ZNF480: variants seen among roughly 807,000 people sequenced by gnomAD.
ZNF480 encodes zinc finger protein 480.
ZNF480 carries 15 observed loss-of-function variants against 14.4 expected under a neutral mutation model. The observed-to-expected ratio is 1.04, with a 90% CI of 0.70 to 1.60. The LOEUF is 1.60. Ranked by LOEUF, ZNF480 falls within the 40% of genes most tolerant of loss-of-function variation. ZNF480 has a pLI of 0.00. For synonymous variants in ZNF480, 218 were observed against 215.5 expected, an observed-to-expected ratio of 1.01 and a Z score of -0.10; for missense variants, 593 against 629.7, an observed-to-expected ratio of 0.94 and a Z score of 0.62.
chr19:52,309,939 GA>G lies in ZNF480; in HGVS notation c.73-4213del, dbSNP rs1156982091. On this transcript the variant is annotated intron_variant, in intron 2 of 4. Coordinates refer to ENST00000595962, the MANE Select transcript of ZNF480 (RefSeq NM_144684.4). ...TAGTTAGGGGCCATTTCCTAAGGGAGATGTCAGATGTTTCTTTCCTGTATGT... is the reference window on the plus strand; with the variant it reads ...TAGTTAGGGGCCATTTCCTAAGGGAGTGTCAGATGTTTCTTTCCTGTATGT... 2.6e-5 allele frequency among the ~76,000 whole-genome samples: 4 copies of G among 152,276 alleles called. No individual in the cohort carries two copies. In the East Asian group the frequency reaches 7.7e-4, roughly 29 times the overall value.
At chr19:52,299,898 T>C (rs569825986) in intron 1 of ZNF480, among the ~76,000 whole-genome samples, 1 of 152,338 alleles carries the variant, frequency 6.6e-6, no homozygotes, top group South Asian at 2.1e-4. Flanking sequence ...TTCACAATGT[T>C]GGCCAGGGTG....
intron 2 of ZNF480, among the ~76,000 whole-genome samples, chr19:52,304,288 T>C (rs1982827433): frequency 6.6e-6 from 1 of 152,206 alleles, no homozygotes; most frequent in Non-Finnish European, 1.5e-5. Flanking sequence ...GGCCAATTTT[T>C]TAGAATCAGC....
chr19:52,317,642 A>G (rs1265705567), intron 4 of ZNF480: 2 of 152,304 alleles, frequency 1.3e-5, no homozygotes, highest in African/African-American at 2.4e-5. Flanking sequence ...AAGTAGTAAC[A>G]TTAAGGGTGT....
intron 2 of ZNF480, chr19:52,302,025 C>T (rs1283871832): frequency 5.1e-6 from 1 of 195,112 alleles, no homozygotes; most frequent in Non-Finnish European, 1.0e-5. Flanking sequence ...GACATGGCTG[C>T]AACTGGGGGG....
In ZNF480 at chr19:52,322,822, A is replaced by G; in HGVS notation, c.1572A>G (p.Ser524=). 2 of 1,604,684 alleles carry G rather than the reference A, an allele frequency of 1.2e-6. No individual in the cohort carries two copies. Among genetic ancestry groups the G allele is most frequent in the Non-Finnish European group, 1.7e-6 (2 of 1,174,260 alleles). Residue 524 remains serine, a synonymous_variant, in exon 5 of 5, where the codon TCA becomes TCG. Coordinates refer to ENST00000595962, the MANE Select transcript of ZNF480 (RefSeq NM_144684.4). ...GTGGCAAGGCCTTTAGTCGCATTTC[A>G]TACCTAGCACAACATTGGACAATTC... ...NECGKAFSRI[S]YLAQHWTIHM...
intron 2 of ZNF480, among the ~76,000 whole-genome samples, chr19:52,305,098 CAAA>C (rs1188093851): frequency 6.6e-6 from 1 of 151,412 alleles, no homozygotes; most frequent in Non-Finnish European, 1.5e-5. Flanking sequence ...GACTCTGTCT[CAAA>C]AAAACAAAAA....
At chr19:52,298,562 C>T (rs1047307282) in intron 1 of ZNF480, among the ~76,000 whole-genome samples, 1 of 150,288 alleles carries the variant, frequency 6.7e-6, no homozygotes, top group Non-Finnish European at 1.5e-5. Context: ...ACCCGGGAGG[C>T]GGAGGTTGCA....
intron 2 of ZNF480, among the ~76,000 whole-genome samples, chr19:52,305,106 C>T (rs1982867773): frequency 6.6e-6 from 1 of 151,754 alleles, no homozygotes; most frequent in Non-Finnish European, 1.5e-5. Flanking sequence ...CTCAAAAAAA[C>T]AAAAAACAAA....
Position 52,314,002 on chromosome 19 carries a change from T to G in ZNF480, c.73-151T>G, listed in dbSNP as rs1343502822. 1.6e-5 allele frequency: 14 copies of G among 866,760 alleles called. No homozygotes were observed. In the East Asian group the frequency reaches 2.2e-4, roughly 14 times the overall value. 53.7% of individuals were successfully genotyped at this position (866,760 alleles called of 1,614,324 possible). A position where few individuals can be genotyped will look rare whatever the true frequency, so the allele number is the denominator to read the frequency against. On this transcript the variant is annotated intron_variant, in intron 2 of 4. Coordinates refer to ENST00000595962, the MANE Select transcript of ZNF480 (RefSeq NM_144684.4). The stretch of plus-strand genomic sequence containing the variant: ...TCAAAAAAAAGAAAAAAAACACATT[T>G]ACAGACACATAACTACATCACAGAT...
chr19:52,302,263 C>T (rs1438136187), intron 2 of ZNF480: 4 of 158,688 alleles, frequency 2.5e-5, no homozygotes, highest in African/African-American at 9.6e-5. Flanking sequence ...TGCTGTTCAG[C>T]TGCTGATAGC....
In ZNF480 at chr19:52,322,734, T is replaced by C. The variant is rs1983903506; in HGVS notation, c.1484T>C (p.Ile495Thr). The C allele has an allele frequency of 2.0e-5, 33 of 1,610,996 alleles. No individual in the cohort carries two copies. Among genetic ancestry groups the C allele is most frequent in the Non-Finnish European group, 2.5e-5 (30 of 1,178,738 alleles). The change falls in exon 5 of 5, where the codon ATT becomes ACT. Residue 495 changes from isoleucine (I) to threonine (T), a missense_variant. Transcript: ENST00000595962. ...CNECGKVFNRIAHLARHRKIH... is the reference protein window; with the variant it reads ...CNECGKVFNRTAHLARHRKIH... ...GAATGTGGCAAGGTCTTCAATCGAATTGCACACCTTGCACGACATCGGAAA... is the reference window on the plus strand; with the variant it reads ...GAATGTGGCAAGGTCTTCAATCGAACTGCACACCTTGCACGACATCGGAAA...
At chr19:52,320,820 C>A (rs1983774829) in intron 4 of ZNF480, among the ~76,000 whole-genome samples, 1 of 151,806 alleles carries the variant, frequency 6.6e-6, no homozygotes, top group South Asian at 2.1e-4. Flanking sequence ...TAACAAAAAA[C>A]CCCAAAACTT....
At chr19:52,306,351 T>C (rs1163314867) in intron 2 of ZNF480, among the ~76,000 whole-genome samples, 4 of 152,198 alleles carry the variant, frequency 2.6e-5, no homozygotes, top group Non-Finnish European at 4.4e-5. Context: ...GTGATTTTTT[T>C]CCCAAGCTCT....
At chr19:52,297,250 C>T (rs1329552476) in intron 1 of ZNF480, 27 bp downstream of exon 1, 1 of 449,420 alleles carries the variant, frequency 2.2e-6, no homozygotes, top group South Asian at 1.6e-5. Flanking sequence ...GTAAATTAAT[C>T]TGCGCTTCCC....
chr19:52,317,717 C>T (rs1166169337), intron 4 of ZNF480, among the ~76,000 whole-genome samples: 6 of 152,142 alleles, frequency 3.9e-5, no homozygotes, highest in Non-Finnish European at 8.8e-5. Context: ...GTTGCCTATA[C>T]TGATCATTTG....
At chr19:52,306,535 A>G (rs1982940243) in intron 2 of ZNF480, among the ~76,000 whole-genome samples, 3 of 152,184 alleles carry the variant, frequency 2.0e-5, no homozygotes, top group Non-Finnish European at 4.4e-5. Flanking sequence ...CAAGTTTTAA[A>G]TTGTAAGAAC....
In ZNF480 at chr19:52,321,925, T is replaced by C. The variant is rs1195924278; in HGVS notation, c.675T>C (p.His225=). 2 of 1,614,036 alleles carry C rather than the reference T, an allele frequency of 1.2e-6. No individual in the cohort carries two copies. The highest frequency in any genetic ancestry group is 1.3e-5 in the African/African-American group (1 of 74,938). The change falls in exon 5 of 5, where the codon CAT becomes CAC. Residue 225 remains histidine, a synonymous_variant. Coordinates refer to ENST00000595962, the MANE Select transcript of ZNF480 (RefSeq NM_144684.4). The stretch of plus-strand genomic sequence containing the variant: ...GCCTTACTAAACATCAAGTAATCCA[T>C]ACTGTAGAGAAACCTTACAAATGTA... ...SSSLTKHQVI[H]TVEKPYKCNS...
intron 2 of ZNF480, among the ~76,000 whole-genome samples, chr19:52,309,584 C>T (rs534176533): frequency 7.2e-5 from 11 of 152,338 alleles, no homozygotes; most frequent in African/African-American, 2.6e-4. Flanking sequence ...GTTGGATAGA[C>T]ATTCCCATTG....
chr19:52,309,558 C>T (rs577099126), intron 2 of ZNF480, among the ~76,000 whole-genome samples: 1 of 152,314 alleles, frequency 6.6e-6, no homozygotes, highest in Non-Finnish European at 1.5e-5. Context: ...TAGGCAGTTC[C>T]CTGAAAAGTC....
Sources: gnomAD v4.1 joint callset for allele counts (sites outside exome capture counted in the v4.1 genomes callset) on GRCh38, gnomAD v4.1.1 for gene constraint, MANE v1.5 for transcripts, NCBI Gene and HGNC (gene_info 2026-07-23, HGNC 2026-07-21) for gene names.